Variants in FER observed in about 807,000 individuals in gnomAD.
FER encodes FER tyrosine kinase, also known as tyrosine-protein kinase Fer.
In FER, 63 loss-of-function variants were observed where a neutral mutation model predicts 111.0. The ratio of observed to expected loss-of-function variants is 0.57; its 90% CI spans 0.46 to 0.70. The LOEUF (loss-of-function observed/expected upper bound fraction) is 0.70. FER is among the 30% of genes least tolerant of loss of function. The pLI is 0.00. For missense variants in FER, 914 were observed against 954.0 expected, an observed-to-expected ratio of 0.96 and a Z score of 0.55; for synonymous variants, 327 against 313.9, an observed-to-expected ratio of 1.04 and a Z score of -0.44.
intron 17 of FER, among the ~76,000 whole-genome samples, chr5:109,107,649 A>G (rs905205793): frequency 7.2e-5 from 11 of 152,194 alleles, no homozygotes; most frequent in African/African-American, 2.7e-4. Flanking sequence ...CACAGAACTC[A>G]AGGACTGAAA....
At chr5:108,800,465 C>T (rs565341926) in intron 3 of FER, among the ~76,000 whole-genome samples, 25 of 152,206 alleles carry the variant, frequency 1.6e-4, no homozygotes, top group African/African-American at 5.3e-4. Context: ...ATCCTTCCAC[C>T]TCAGCTTTCT....
intron 3 of FER, among the ~76,000 whole-genome samples, chr5:108,803,223 G>A (rs1467373424): frequency 6.6e-6 from 1 of 151,804 alleles, no homozygotes; most frequent in Non-Finnish European, 1.5e-5. Flanking sequence ...GTTCTGTGTA[G>A]AACATTAGTC....
chr5:108,872,040 A>G (rs1285053836), intron 7 of FER, 53 bp from the exon 8 acceptor site: 16 of 1,542,890 alleles, frequency 1.0e-5, no homozygotes, highest in Non-Finnish European at 1.4e-5. Flanking sequence ...ATATGAAGAT[A>G]TATTATGATA....
chr5:108,819,589 A>ATATT (rs1758632553), intron 3 of FER, among the ~76,000 whole-genome samples: 1 of 152,148 alleles, frequency 6.6e-6, no homozygotes, highest in Non-Finnish European at 1.5e-5. Context: ...CGAGTGTGCA[A>ATATT]GAGGTTGGTA....
chr5:109,126,754 G>T (rs762892399), intron 17 of FER, among the ~76,000 whole-genome samples: 51 of 152,152 alleles, frequency 3.4e-4, no homozygotes, highest in Non-Finnish European at 6.2e-4. Context: ...AAGAGAGGCA[G>T]ATAAAAAGCA....
chr5:109,145,457 T>C (rs1018221121), intron 17 of FER, among the ~76,000 whole-genome samples: 1 of 152,040 alleles, frequency 6.6e-6, no homozygotes, highest in African/African-American at 2.4e-5. Flanking sequence ...TGCTTCAGTG[T>C]TTTATATTTT....
intron 5 of FER, among the ~76,000 whole-genome samples, chr5:108,860,608 C>T (rs1763423017): frequency 6.6e-6 from 1 of 152,138 alleles, no homozygotes; most frequent in Non-Finnish European, 1.5e-5. Flanking sequence ...GTGAAAAAAA[C>T]ATGTGTATAC....
At chr5:109,006,722 A>G (rs1320979084) in intron 13 of FER, among the ~76,000 whole-genome samples, 1 of 152,114 alleles carries the variant, frequency 6.6e-6, no homozygotes, top group African/African-American at 2.4e-5. Context: ...ATTTCTAAAG[A>G]TGAGTAAAAA....
chr5:108,896,650 TTAAG>T (rs1219324821), intron 9 of FER, among the ~76,000 whole-genome samples: 4 of 152,190 alleles, frequency 2.6e-5, no homozygotes, highest in Non-Finnish European at 5.9e-5. Flanking sequence ...CTGTGCTCAA[TTAAG>T]TTTGAATTTA....
intron 13 of FER, among the ~76,000 whole-genome samples, chr5:109,021,736 G>A (rs1230196222): frequency 1.3e-5 from 2 of 151,854 alleles, no homozygotes; most frequent in Non-Finnish European, 2.9e-5. Context: ...TAATTGAAAA[G>A]CAAAAAAACA....
At chr5:109,148,718 T>G (rs937722859) in intron 17 of FER, among the ~76,000 whole-genome samples, 1 of 152,204 alleles carries the variant, frequency 6.6e-6, no homozygotes, top group African/African-American at 2.4e-5. Flanking sequence ...AATTTCCTTA[T>G]GTAAAATACT....
chr5:108,939,986 T>C (rs1756038939), intron 10 of FER, among the ~76,000 whole-genome samples: 1 of 152,062 alleles, frequency 6.6e-6, no homozygotes. Context: ...TAGTAATCTT[T>C]ATTGCGTCCT....
At chr5:108,941,667 G>C (rs888877388) in intron 10 of FER, among the ~76,000 whole-genome samples, 1 of 152,110 alleles carries the variant, frequency 6.6e-6, no homozygotes, top group African/African-American at 2.4e-5. Flanking sequence ...TTTCATACAA[G>C]CAAATTACAC....
At chr5:109,036,694 T>C (rs886852184) in intron 13 of FER, among the ~76,000 whole-genome samples, 1 of 151,250 alleles carries the variant, frequency 6.6e-6, no homozygotes, top group Non-Finnish European at 1.5e-5. Context: ...CTTACTTTTT[T>C]CCTTTTTCCT....
chr5:108,981,826 G>T (rs965769579), intron 13 of FER, among the ~76,000 whole-genome samples: 2 of 152,046 alleles, frequency 1.3e-5, no homozygotes, highest in Non-Finnish European at 2.9e-5. Flanking sequence ...TGACTTGAGG[G>T]TATTTTGTCT....
At position 109,127,666 on chromosome 5, in the gene FER, A is replaced by C. The variant is rs182950361; in HGVS notation, c.2048+27147A>C. ...ATGATCCACCGGCCATGGCCTCCCA[A>C]AGTGCTGGGATTACAGCGTGAGCCA... On this transcript the variant is annotated intron_variant, in intron 17 of 19. Coordinates refer to ENST00000281092, the MANE Select transcript of FER (RefSeq NM_005246.4). Among the ~76,000 whole-genome samples, 177 of 152,206 alleles carry C rather than the reference A, an allele frequency of 1.2e-3. 1 individual carries two copies. The highest frequency in any genetic ancestry group is 3.9e-3 in the African/African-American group (164 of 41,546).
At chr5:108,875,871 G>T (rs1765042569) in intron 8 of FER, among the ~76,000 whole-genome samples, 1 of 152,044 alleles carries the variant, frequency 6.6e-6, no homozygotes, top group Admixed American at 6.6e-5. Flanking sequence ...TTCAAATGAG[G>T]TCTCTTTATT....
intron 16 of FER, among the ~76,000 whole-genome samples, chr5:109,074,120 A>G (rs955601381): frequency 2.0e-5 from 3 of 152,212 alleles, no homozygotes; most frequent in Admixed American, 1.3e-4. Flanking sequence ...TATCTAGAGT[A>G]TGCTTTGTGC....
At chr5:108,943,808 A>G (rs1756598600) in intron 10 of FER, among the ~76,000 whole-genome samples, 1 of 151,974 alleles carries the variant, frequency 6.6e-6, no homozygotes, top group East Asian at 1.9e-4. Context: ...GTCTGGCCTC[A>G]CTGCAACCTC....
Sources: gnomAD v4.1 joint callset for allele counts (sites outside exome capture counted in the v4.1 genomes callset) on GRCh38, gnomAD v4.1.1 for gene constraint, MANE v1.5 for transcripts, NCBI Gene and HGNC (gene_info 2026-07-23, HGNC 2026-07-21) for gene names.